The following AGBL4 variants were observed in gnomAD, a reference collection of about 807,000 sequenced individuals.
AGBL4 encodes cytosolic carboxypeptidase 6.
A neutral mutation model predicts 66.4 loss-of-function variants in AGBL4; 58 were observed. The observed-to-expected ratio is 0.87, with a 90% confidence interval of 0.71 to 1.09. AGBL4 has a LOEUF of 1.09. Ranked by LOEUF, AGBL4 falls within the 50% of genes least tolerant of loss-of-function variation. AGBL4 has a pLI of 0.00. For synonymous variants in AGBL4, 234 were observed against 222.9 expected (o/e 1.05, Z -0.44); for missense variants, 579 against 631.0 (o/e 0.92, Z 0.88).
intron 6 of AGBL4, 31 bp from the exon 7 acceptor site, chr1:48,663,272 G>A: frequency 6.2e-7 from 1 of 1,611,508 alleles, no homozygotes; most frequent in Non-Finnish European, 8.5e-7. Context: ...TGGTTGCTAA[G>A]GAGGGCAAGA....
chr1:49,938,750 G>A (rs1220981505), intron 1 of AGBL4, among the ~76,000 whole-genome samples: 1 of 152,156 alleles, frequency 6.6e-6, no homozygotes, highest in Non-Finnish European at 1.5e-5. Flanking sequence ...AAAACCACAT[G>A]ATTATCTCAA....
At chr1:49,772,652 T>C (rs889020285) in intron 2 of AGBL4, among the ~76,000 whole-genome samples, 6 of 152,196 alleles carry the variant, frequency 3.9e-5, no homozygotes, top group African/African-American at 1.4e-4. Flanking sequence ...TTTTCTTCTT[T>C]CAGCACTTTG....
In AGBL4 at chr1:49,856,385, AAAACAG is replaced by A. The variant is rs1646433627; in HGVS notation, c.35-4873_35-4868del. Among the ~76,000 whole-genome samples the A allele has an allele frequency of 3.3e-5, 5 of 152,246 alleles. No homozygotes were observed. In the South Asian group the frequency reaches 1.0e-3, roughly 32 times the overall value. On this transcript the variant is annotated intron_variant, in intron 1 of 13. Coordinates refer to ENST00000371839, the MANE Select transcript of AGBL4 (RefSeq NM_032785.4). ...AGAATTCTTTCTAACTCATTCTATA[AAAACAG>A]CATTACCTTGATACCAATACCAGAG...
At chr1:49,995,158 C>A in intron 1 of AGBL4, 1 of 456,020 alleles carries the variant, frequency 2.2e-6, no homozygotes. Context: ...AAGGGGTGAC[C>A]CAGGAGAGAA....
chr1:48,879,466 T>C (rs1174674433), intron 5 of AGBL4, among the ~76,000 whole-genome samples: 5 of 148,858 alleles, frequency 3.4e-5, no homozygotes, highest in Admixed American at 6.6e-5. Context: ...CCTTACACTT[T>C]GTATAGACAA....
intron 3 of AGBL4, among the ~76,000 whole-genome samples, chr1:49,596,845 T>A (rs1158576520): frequency 6.6e-6 from 1 of 152,180 alleles, no homozygotes; most frequent in African/African-American, 2.4e-5. Context: ...AAAATGCTCA[T>A]GCTTATTGTG....
chr1:49,074,989 A>T (rs1393104078), intron 4 of AGBL4, among the ~76,000 whole-genome samples: 6 of 152,230 alleles, frequency 3.9e-5, no homozygotes, highest in African/African-American at 1.4e-4. Context: ...TTACATTAAA[A>T]TATCTAGAAA....
intron 2 of AGBL4, chr1:49,842,042 C>G: frequency 2.6e-6 from 1 of 382,268 alleles, no homozygotes; most frequent in South Asian, 2.6e-5. Flanking sequence ...GTGCAGCCTC[C>G]TCCTTGTGCC....
intron 3 of AGBL4, among the ~76,000 whole-genome samples, chr1:49,658,910 A>G (rs1646211400): frequency 6.6e-6 from 1 of 152,114 alleles, no homozygotes; most frequent in African/African-American, 2.4e-5. Flanking sequence ...CCTAATGTAA[A>G]TGACGAGTTA....
At chr1:49,741,075 C>T (rs984498373) in intron 2 of AGBL4, among the ~76,000 whole-genome samples, 3 of 118,048 alleles carry the variant, frequency 2.5e-5, no homozygotes, top group Non-Finnish European at 4.4e-5. Flanking sequence ...TAGATAGAGA[C>T]ATAAAAAAAC....
chr1:49,844,713 C>G, intron 2 of AGBL4: 1 of 1,604,538 alleles, frequency 6.2e-7, no homozygotes. Context: ...GACCCAAAGT[C>G]AAACTGTCAG....
At chr1:49,975,817 C>T (rs1381491177) in intron 1 of AGBL4, among the ~76,000 whole-genome samples, 1 of 152,214 alleles carries the variant, frequency 6.6e-6, no homozygotes, top group African/African-American at 2.4e-5. Flanking sequence ...TTGGTGCTCA[C>T]TGCCTGATAG....
intron 9 of AGBL4, among the ~76,000 whole-genome samples, chr1:48,624,404 G>A (rs1476372894): frequency 1.3e-5 from 2 of 152,198 alleles, no homozygotes; most frequent in Non-Finnish European, 2.9e-5. Context: ...GTTGGACTCT[G>A]CCAGGAGATG....
chr1:49,860,883 A>G (rs1286057795), intron 1 of AGBL4, among the ~76,000 whole-genome samples: 1 of 152,112 alleles, frequency 6.6e-6, no homozygotes, highest in Non-Finnish European at 1.5e-5. Flanking sequence ...TTAACTTCAT[A>G]TCACTGAAAG....
intron 5 of AGBL4, among the ~76,000 whole-genome samples, chr1:48,996,054 G>C (rs1660970640): frequency 6.6e-6 from 1 of 151,878 alleles, no homozygotes; most frequent in South Asian, 2.1e-4. Flanking sequence ...GAGATAGAGT[G>C]GCAAGACTCA....
chr1:49,802,756 C>T (rs978686032), intron 2 of AGBL4, among the ~76,000 whole-genome samples: 1 of 152,118 alleles, frequency 6.6e-6, no homozygotes, highest in South Asian at 2.1e-4. Context: ...ACCCAGCTTT[C>T]ACTATCTTGT....
chr1:49,096,842 T>TA (rs995572851), intron 4 of AGBL4, among the ~76,000 whole-genome samples: 277 of 142,776 alleles, frequency 1.9e-3, no homozygotes, highest in Middle Eastern at 3.5e-3. Flanking sequence ...AGTATAATAA[T>TA]AAAAAAAAAA....
At chr1:48,829,787 A>G (rs1346944748) in intron 6 of AGBL4, among the ~76,000 whole-genome samples, 1 of 152,132 alleles carries the variant, frequency 6.6e-6, no homozygotes, top group Non-Finnish European at 1.5e-5. Context: ...TGTTTCTGAC[A>G]GCAAATTGCT....
In AGBL4 at chr1:49,168,075, C is replaced by T. The variant is rs145207768; in HGVS notation, c.377+77695G>A. Among the ~76,000 whole-genome samples, 1,143 of 152,188 alleles carry T rather than the reference C, an allele frequency of 7.5e-3. 14 individuals carry two copies. The highest frequency in any genetic ancestry group is 8.9e-3 in the Non-Finnish European group (607 of 68,000). On this transcript the variant is annotated intron_variant, in intron 4 of 13. Coordinates refer to ENST00000371839, the MANE Select transcript of AGBL4 (RefSeq NM_032785.4). ...TGTAGGTTATATGCAAATGCTATCCCATTTTATATAAGGGACTTGAGCAGC... is the reference window on the plus strand; with the variant it reads ...TGTAGGTTATATGCAAATGCTATCCTATTTTATATAAGGGACTTGAGCAGC...
Sources: gnomAD v4.1 joint callset for allele counts (sites outside exome capture counted in the v4.1 genomes callset) on GRCh38, gnomAD v4.1.1 for gene constraint, MANE v1.5 for transcripts, NCBI Gene and HGNC (gene_info 2026-07-23, HGNC 2026-07-21) for gene names.